Variants in SOS1 observed in about 807,000 individuals in gnomAD.
SOS1 encodes the protein son of sevenless homolog 1.
In SOS1, 25 loss-of-function variants were observed where a neutral mutation model predicts 157.6. The ratio of observed to expected loss-of-function variants is 0.16; its 90% CI spans 0.12 to 0.22. SOS1 has a LOEUF of 0.22. Among genes scored for constraint, SOS1 ranks in the 10% least tolerant of loss-of-function variants. SOS1 has a pLI of 1.00. For missense variants in SOS1, 1,237 were observed against 1,599.1 expected (o/e 0.77, Z 3.86); for synonymous variants, 528 against 534.0 (o/e 0.99, Z 0.16).
intron 1 of SOS1, among the ~76,000 whole-genome samples, chr2:39,073,752 T>C (rs540111757): frequency 2.4e-4 from 37 of 152,350 alleles, no homozygotes; most frequent in Non-Finnish European, 1.5e-5. Flanking sequence ...CAAGAACCCC[T>C]TGGGTAAACT....
intron 8 of SOS1, among the ~76,000 whole-genome samples, chr2:39,028,756 T>C (rs1227001749): frequency 6.6e-6 from 1 of 152,222 alleles, no homozygotes; most frequent in Non-Finnish European, 1.5e-5. Flanking sequence ...ATTGTAATTG[T>C]CTAACATTTG....
At chr2:39,081,866 A>AT (rs1021520937) in intron 1 of SOS1, among the ~76,000 whole-genome samples, 2 of 152,166 alleles carry the variant, frequency 1.3e-5, no homozygotes, top group African/African-American at 4.8e-5. Context: ...ATTGGTAAAT[A>AT]TTTTTATAAA....
At chr2:39,041,712 T>C (rs1405030906) in intron 6 of SOS1, among the ~76,000 whole-genome samples, 2 of 152,232 alleles carry the variant, frequency 1.3e-5, no homozygotes. Flanking sequence ...TCCAACTTCA[T>C]TCATTTGTGC....
intron 13 of SOS1, among the ~76,000 whole-genome samples, chr2:39,013,053 C>G (rs1004263847): frequency 6.6e-6 from 1 of 152,106 alleles, no homozygotes; most frequent in Non-Finnish European, 1.5e-5. Flanking sequence ...AGTCACGTAT[C>G]TGATTAGTGG....
rs138856472 is a variant in SOS1, at chr2:39,099,918, T to A, written c.87+20418A>T. On this transcript the variant is annotated intron_variant, in intron 1 of 22. Coordinates refer to ENST00000402219, the MANE Select transcript of SOS1 (RefSeq NM_005633.4). The stretch of plus-strand genomic sequence containing the variant: ...TTTTAGTAGAGATGGGGTTTCCCCA[T>A]TTTGGCCAGGCTGGTCTCAAACTCC... 7.2e-3 allele frequency among the ~76,000 whole-genome samples: 1,098 copies of A among 152,232 alleles called. 12 individuals carry two copies. The highest frequency in any genetic ancestry group is 0.025 in the African/African-American group (1,055 of 41,522).
intron 8 of SOS1, among the ~76,000 whole-genome samples, chr2:39,032,083 G>A (rs1206451789): frequency 6.6e-6 from 1 of 152,104 alleles, no homozygotes; most frequent in East Asian, 1.9e-4. Context: ...ATATAATCTG[G>A]AATGGCTACA....
At chr2:39,117,400 T>G (rs1673694279) in intron 1 of SOS1, among the ~76,000 whole-genome samples, 1 of 152,140 alleles carries the variant, frequency 6.6e-6, no homozygotes, top group African/African-American at 2.4e-5. Flanking sequence ...ATTTGTGCAA[T>G]AGATAAGATA....
At chr2:39,003,400 G>A (rs919234602) in intron 17 of SOS1, among the ~76,000 whole-genome samples, 34 of 152,104 alleles carry the variant, frequency 2.2e-4, no homozygotes, top group Admixed American at 2.2e-3. Context: ...CGCTAAAACT[G>A]AGTTTCAAAC....
chr2:39,117,486 G>C (rs1572904908), intron 1 of SOS1, among the ~76,000 whole-genome samples: 1 of 152,200 alleles, frequency 6.6e-6, no homozygotes, highest in African/African-American at 2.4e-5. Flanking sequence ...TAGCAGTCCG[G>C]ACTGGCTAAA....
Position 39,120,429 on chromosome 2 carries a change from C to T in SOS1, c.-7G>A, listed in dbSNP as rs770202612. On this transcript the variant is annotated 5_prime_UTR_variant, in exon 1 of 23. Coordinates refer to ENST00000402219, the MANE Select transcript of SOS1 (RefSeq NM_005633.4). ...GCAGCTGCTGCGCCTGCATGGTGCC[C>T]CCGGGGCGCCTCTGGGCGGGGAGAG... 2.5e-6 allele frequency: 4 copies of T among 1,581,094 alleles called. No homozygotes were observed. Among genetic ancestry groups the T allele is most frequent in the South Asian group, 2.3e-5 (2 of 87,988 alleles).
At chr2:38,995,533 C>T in intron 19 of SOS1, 146 bp from the exon 20 acceptor site, 3 of 651,020 alleles carry the variant, frequency 4.6e-6, no homozygotes, top group South Asian at 1.8e-5. Flanking sequence ...AAAAGTAGAA[C>T]ATTTAAAGCA....
chr2:39,073,423 T>A (rs1304573254), intron 1 of SOS1, among the ~76,000 whole-genome samples: 2 of 152,266 alleles, frequency 1.3e-5, no homozygotes, highest in Non-Finnish European at 2.9e-5. Flanking sequence ...TTATATTTTC[T>A]TAAAGTAATT....
intron 2 of SOS1, 92 bp from the exon 3 acceptor site, chr2:39,058,896 A>G (rs1671305005): frequency 2.0e-6 from 2 of 996,996 alleles, no homozygotes; most frequent in African/African-American, 3.3e-5. Flanking sequence ...GAATACCAAA[A>G]GTAGAGCTTT....
chr2:39,047,934 C>A (rs977404129), intron 6 of SOS1, among the ~76,000 whole-genome samples: 1 of 152,176 alleles, frequency 6.6e-6, no homozygotes, highest in African/African-American at 2.4e-5. Flanking sequence ...TCCCAAAGTG[C>A]TGGGATTACA....
chr2:39,069,783 G>A (rs2148145473), intron 1 of SOS1, among the ~76,000 whole-genome samples: 1 of 152,246 alleles, frequency 6.6e-6, no homozygotes. Flanking sequence ...CCCGACCTCA[G>A]GTGATCCACC....
chr2:39,010,044 G>A (rs1006295718), intron 15 of SOS1, among the ~76,000 whole-genome samples: 4 of 152,080 alleles, frequency 2.6e-5, no homozygotes, highest in African/African-American at 4.8e-5. Context: ...GGTCAGGAGC[G>A]ATGGCTCACG....
intron 1 of SOS1, among the ~76,000 whole-genome samples, chr2:39,085,012 C>G (rs1672324104): frequency 6.6e-6 from 1 of 152,110 alleles, no homozygotes; most frequent in Admixed American, 6.6e-5. Flanking sequence ...GTTTTCTCTG[C>G]TAGTGTTCCC....
intron 5 of SOS1, among the ~76,000 whole-genome samples, chr2:39,052,349 T>C (rs975730569): frequency 6.6e-6 from 1 of 152,208 alleles, no homozygotes; most frequent in African/African-American, 2.4e-5. Context: ...ACTCCTATTT[T>C]AAATGTTCTT....
At chr2:39,014,028 A>G (rs767022398) in intron 11 of SOS1, 39 bp from the exon 12 acceptor site, 42 of 1,475,086 alleles carry the variant, frequency 2.8e-5, no homozygotes, top group Non-Finnish European at 3.9e-5. Context: ...AAGACTAATT[A>G]TATCGAGTTA....
Sources: allele counts gnomAD v4.1 joint callset (sites outside exome capture counted in the v4.1 genomes callset), GRCh38; gene constraint gnomAD v4.1.1; transcripts MANE v1.5; gene names NCBI Gene and HGNC (gene_info 2026-07-23, HGNC 2026-07-21).